Variants in QTMAN observed in about 807,000 individuals in gnomAD.
QTMAN encodes tRNA-queuosine alpha-mannosyltransferase.
chr2:143,948,313 G>A, the QTMAN span, among the ~76,000 whole-genome samples: 1 of 152,076 alleles, frequency 6.6e-6, no homozygotes, highest in Non-Finnish European at 1.5e-5. Flanking sequence ...CCAAATAATA[G>A]AAGATTATAA....
chr2:144,208,087 G>A, the QTMAN span, among the ~76,000 whole-genome samples: 2 of 152,022 alleles, frequency 1.3e-5, no homozygotes, highest in African/African-American at 2.4e-5. Flanking sequence ...TGAGTTCTGT[G>A]CCCCTCAAAT....
the QTMAN span, among the ~76,000 whole-genome samples, chr2:144,214,975 G>A: frequency 6.6e-6 from 1 of 152,124 alleles, no homozygotes; most frequent in Non-Finnish European, 1.5e-5. Flanking sequence ...GGGTGCACTG[G>A]CTCATGCCTG....
At chr2:144,273,490 G>A in the QTMAN span, among the ~76,000 whole-genome samples, 4 of 152,054 alleles carry the variant, frequency 2.6e-5, 1 homozygote, top group Non-Finnish European at 5.9e-5. Context: ...TTCATAGGAC[G>A]GTCTGACCAT....
the QTMAN span, among the ~76,000 whole-genome samples, chr2:144,029,109 A>T: frequency 6.6e-6 from 1 of 152,196 alleles, no homozygotes; most frequent in African/African-American, 2.4e-5. Flanking sequence ...AATGAGAACA[A>T]CTTCCTAAGG....
At chr2:144,040,136 A>T in the QTMAN span, among the ~76,000 whole-genome samples, 2 of 152,316 alleles carry the variant, frequency 1.3e-5, no homozygotes, top group East Asian at 3.9e-4. Context: ...AGTTGACTTT[A>T]ATACTTTTAA....
chr2:144,116,376 A>G, the QTMAN span, among the ~76,000 whole-genome samples: 5 of 151,986 alleles, frequency 3.3e-5, no homozygotes, highest in Non-Finnish European at 7.4e-5. Flanking sequence ...TAGAAAACAC[A>G]TTTTTTAATC....
At chr2:144,177,068 TA>T in the QTMAN span, 1 of 623,404 alleles carries the variant, frequency 1.6e-6, no homozygotes, top group Non-Finnish European at 2.8e-6. Flanking sequence ...ATAAGAATTC[TA>T]TCACAAGGAC....
At chr2:144,255,224 T>C in the QTMAN span, among the ~76,000 whole-genome samples, 12 of 152,160 alleles carry the variant, frequency 7.9e-5, no homozygotes, top group Non-Finnish European at 1.6e-4. Flanking sequence ...CACCCAAATC[T>C]CATCTTGAAT....
chr2:144,299,825 A>G, the QTMAN span, among the ~76,000 whole-genome samples: 1 of 152,268 alleles, frequency 6.6e-6, no homozygotes, highest in African/African-American at 2.4e-5. Flanking sequence ...GTATACCTAC[A>G]TTCATAGTAG....
chr2:144,019,450 G>A, the QTMAN span, among the ~76,000 whole-genome samples: 213 of 137,672 alleles, frequency 1.5e-3, 4 homozygotes, highest in East Asian at 0.039. Context: ...GTGTGTGTGT[G>A]TGTGTGTGTG....
At chr2:144,045,240 G>A in the QTMAN span, among the ~76,000 whole-genome samples, 4 of 152,224 alleles carry the variant, frequency 2.6e-5, no homozygotes, top group Non-Finnish European at 4.4e-5. Flanking sequence ...AAGAACTGAG[G>A]AGAGGATGGC....
At chr2:144,293,037 G>C in the QTMAN span, among the ~76,000 whole-genome samples, 38 of 152,200 alleles carry the variant, frequency 2.5e-4, no homozygotes, top group Admixed American at 6.5e-4. Flanking sequence ...TGCCAGACTG[G>C]AGTATATATG....
At chr2:144,309,591 G>C in the QTMAN span, among the ~76,000 whole-genome samples, 1 of 152,172 alleles carries the variant, frequency 6.6e-6, no homozygotes, top group Non-Finnish European at 1.5e-5. Flanking sequence ...TAGTTGCCTG[G>C]AGATGAGAAT....
the QTMAN span, among the ~76,000 whole-genome samples, chr2:144,015,363 C>T: frequency 6.6e-6 from 1 of 152,158 alleles, no homozygotes; most frequent in Non-Finnish European, 1.5e-5. Context: ...TTCCTACCTC[C>T]ACTTTAAAGC....
the QTMAN span, among the ~76,000 whole-genome samples, chr2:144,100,145 T>C: frequency 3.3e-5 from 5 of 152,220 alleles, no homozygotes; most frequent in Non-Finnish European, 7.3e-5. Context: ...ACATAATAAC[T>C]GGCAATCACC....
the QTMAN span, among the ~76,000 whole-genome samples, chr2:144,254,481 T>C: frequency 2.0e-4 from 31 of 152,158 alleles, no homozygotes; most frequent in Non-Finnish European, 4.1e-4. Flanking sequence ...TCCACCTATA[T>C]TTCAGAAGAT....
At chr2:144,224,664 T>C in the QTMAN span, among the ~76,000 whole-genome samples, 4 of 151,902 alleles carry the variant, frequency 2.6e-5, no homozygotes, top group African/African-American at 4.8e-5. Context: ...GGCGAGGGGA[T>C]TGGGGAGTAT....
At chr2:144,016,803 G>A in the QTMAN span, among the ~76,000 whole-genome samples, 6,828 of 152,182 alleles carry the variant, frequency 0.045, 258 homozygotes, top group East Asian at 0.17. Context: ...TACTATGGCG[G>A]AAAAAGGGCA....
the QTMAN span, among the ~76,000 whole-genome samples, chr2:144,331,852 G>C: frequency 1.3e-5 from 2 of 152,350 alleles, 1 homozygote; most frequent in South Asian, 4.1e-4. Context: ...CTGGCAGAGA[G>C]GAGTGGGGCG....
Sources: allele counts gnomAD v4.1 joint callset (sites outside exome capture counted in the v4.1 genomes callset), GRCh38; gene constraint gnomAD v4.1.1; transcripts MANE v1.5; gene names NCBI Gene and HGNC (gene_info 2026-07-23, HGNC 2026-07-21).